TFDP1: variants seen among roughly 807,000 people sequenced by gnomAD.
The protein encoded by TFDP1 is DRTF1-polypeptide 1.
In TFDP1, 6 loss-of-function variants were observed where a neutral mutation model predicts 48.0. The observed-to-expected ratio is 0.13, with a 90% CI of 0.07 to 0.25. The LOEUF (loss-of-function observed/expected upper bound fraction) is 0.25. TFDP1 is among the 10% of genes least tolerant of loss of function. The probability of loss-of-function intolerance (pLI) is 1.00; values close to 1 mark genes in which losing one functional copy is unlikely to be tolerated. For missense variants in TFDP1, 335 were observed against 543.0 expected (o/e 0.62, Z 3.81); for synonymous variants, 201 against 211.6 (o/e 0.95, Z 0.44).
chr13:113,638,551 G>T (rs1297720175), intron 11 of TFDP1, among the ~76,000 whole-genome samples: 3 of 152,062 alleles, frequency 2.0e-5, no homozygotes, highest in Non-Finnish European at 2.9e-5. Context: ...CAATCACAGC[G>T]CACGTATTTT....
Position 113,607,330 on chromosome 13 carries a change from A to G in TFDP1, c.13-3666A>G, listed in dbSNP as rs556597271. On this transcript the variant is annotated intron_variant, in intron 2 of 11. Transcript: ENST00000375370. The surrounding 1 kb of genome is among the most constrained non-coding windows in gnomAD (Gnocchi z 5.2). ...GCCAGGGATCTGGTGACACCTGGGCATGTGGCTGGTGGAACCAGCAGGCCA... is the reference window on the plus strand; with the variant it reads ...GCCAGGGATCTGGTGACACCTGGGCGTGTGGCTGGTGGAACCAGCAGGCCA... Among the ~76,000 whole-genome samples, 42 of 152,354 alleles carry G rather than the reference A, an allele frequency of 2.8e-4. No individual in the cohort carries two copies. Among genetic ancestry groups the G allele is most frequent in the African/African-American group, 9.9e-4 (41 of 41,588 alleles).
At position 113,615,008 on chromosome 13, in the gene TFDP1, G is replaced by A. The variant is rs572764198; in HGVS notation, c.79+3946G>A. 8.5e-5 allele frequency among the ~76,000 whole-genome samples: 13 copies of A among 152,172 alleles called. No homozygotes were observed. The South Asian group carries it at 1.2e-3, about 15-fold the overall frequency. ...TTGGCTGAATAATGGATAGAGCACC[G>A]TCAGGTTGACACGTAAAACTGACTG... On this transcript the variant is annotated intron_variant, in intron 3 of 11. Coordinates refer to ENST00000375370, the MANE Select transcript of TFDP1 (RefSeq NM_007111.5).
chr13:113,634,199 A>G (rs781376814), intron 7 of TFDP1, 166 bp downstream of exon 7: 1 of 969,684 alleles, frequency 1.0e-6, no homozygotes, highest in South Asian at 1.4e-5. Context: ...CTTGGCTGTC[A>G]GGGGAGGGAG....
chr13:113,625,933 T>C (rs1415361075), intron 4 of TFDP1, among the ~76,000 whole-genome samples: 3 of 130,678 alleles, frequency 2.3e-5, no homozygotes, highest in East Asian at 5.9e-4. Flanking sequence ...TGTCCTCAGG[T>C]GTTTCTCAGG....
At chr13:113,601,148 C>T (rs749958489) in intron 2 of TFDP1, among the ~76,000 whole-genome samples, 2 of 152,172 alleles carry the variant, frequency 1.3e-5, no homozygotes, top group Non-Finnish European at 2.9e-5. Flanking sequence ...GTGTTGGCCT[C>T]CGTAGCTGAG....
intron 2 of TFDP1, among the ~76,000 whole-genome samples, chr13:113,596,060 C>T (rs976758645): frequency 1.4e-4 from 21 of 152,050 alleles, no homozygotes; most frequent in Admixed American, 4.6e-4. Flanking sequence ...CCCGCCTGGG[C>T]GACAGAGTGA....
intron 3 of TFDP1, among the ~76,000 whole-genome samples, chr13:113,619,481 C>CAAAAAAAA (rs1162300447): frequency 9.0e-6 from 1 of 110,512 alleles, no homozygotes; most frequent in African/African-American, 3.3e-5. Flanking sequence ...AAAAAAAAAA[C>CAAAAAAAA]AAAAAAAAAA....
Position 113,608,828 on chromosome 13 carries a change from G to A in TFDP1, c.13-2168G>A, listed in dbSNP as rs144171344. ...TCTAGCCCACCATAGCCACTTGGCC[G>A]TGTGTACCTGGCTCAGCCACCTGTC... On this transcript the variant is annotated intron_variant, in intron 2 of 11. Transcript: ENST00000375370. 7.3e-3 allele frequency among the ~76,000 whole-genome samples: 1,112 copies of A among 152,212 alleles called. 18 individuals carry two copies. The highest frequency in any genetic ancestry group is 0.025 in the African/African-American group (1,032 of 41,522).
Position 113,633,817 on chromosome 13 carries a change from C to T in TFDP1, c.475-73C>T. The T allele has an allele frequency of 1.3e-6, 2 of 1,533,352 alleles. No individual in the cohort carries two copies. The highest frequency in any genetic ancestry group is 2.3e-5 in the East Asian group (1 of 44,300). 95.0% of individuals were successfully genotyped at this position (1,533,352 alleles called of 1,614,324 possible). ...AGCGGGGTGCCCCTTTGAGCCAGTG[C>T]CCATGGTCTACAGTTTAAGGATCCA... On this transcript the variant is annotated intron_variant, in intron 6 of 11. Coordinates refer to ENST00000375370, the MANE Select transcript of TFDP1 (RefSeq NM_007111.5). This position sits in a 1 kb window ranked among gnomAD's most constrained non-coding sequence, Gnocchi z 4.5.
intron 3 of TFDP1, among the ~76,000 whole-genome samples, chr13:113,619,705 T>G (rs529620732): frequency 6.6e-6 from 1 of 152,110 alleles, no homozygotes; most frequent in Admixed American, 6.5e-5. Context: ...ACCCTCAGCC[T>G]CAGGATTTCT....
intron 11 of TFDP1, among the ~76,000 whole-genome samples, 167 bp downstream of exon 11, chr13:113,638,063 C>T (rs1192129831): frequency 1.3e-5 from 2 of 152,210 alleles, no homozygotes; most frequent in African/African-American, 4.8e-5. Context: ...GTGTGGAGAG[C>T]TGCTTTTCTT....
In TFDP1 at chr13:113,631,743, G is replaced by A. The variant is rs771604835; in HGVS notation, c.307G>A (p.Gly103Arg). Reference protein sequence around the residue: ...QPSDSSPWSAGKRNRKGEKNG... With the variant: ...QPSDSSPWSARKRNRKGEKNG... ...TTCCGACTCCTCACCTTGGTCTGCC[G>A]GGTGAGCACTTCCCTCTGGACCCTT... The change falls in exon 5 of 12, where the codon GGG (glycine) becomes AGG (arginine). Residue 103 changes from glycine to arginine, a missense_variant and splice_region_variant. Gly to Arg is a moderately radical substitution (Grantham distance 125). Coordinates refer to ENST00000375370, the MANE Select transcript of TFDP1 (RefSeq NM_007111.5). The A allele has an allele frequency of 6.8e-6, 11 of 1,613,970 alleles. No homozygotes were observed. The highest frequency in any genetic ancestry group is 8.5e-6 in the Non-Finnish European group (10 of 1,179,920).
Position 113,636,710 on chromosome 13 carries a change from G to A in TFDP1, c.1006+10G>A, listed in dbSNP as rs766034705. 1.2e-6 allele frequency: 2 copies of A among 1,611,264 alleles called. No individual in the cohort carries two copies. Among genetic ancestry groups the A allele is most frequent in the East Asian group, 4.5e-5 (2 of 44,818 alleles). ...GAGCCATACGTGACAGGTCAGCAAT[G>A]CCCAGACAACCTGGCGTGGCTGTGT... is the stretch of plus-strand genomic sequence containing the variant. On this transcript the variant is annotated intron_variant, in intron 10 of 11. Transcript: ENST00000375370.
chr13:113,589,954 A>G (rs11843987), intron 2 of TFDP1, among the ~76,000 whole-genome samples: 13,393 of 152,252 alleles, frequency 0.088, 1,701 homozygotes, highest in African/African-American at 0.28. Flanking sequence ...GTGTCATGAA[A>G]GTTTGTAAGT....
rs530501149 is a variant in TFDP1, at chr13:113,627,319, G to A, written c.186+4033G>A. Among the ~76,000 whole-genome samples the A allele has an allele frequency of 5.3e-5, 8 of 152,298 alleles. No individual in the cohort carries two copies. Among genetic ancestry groups the A allele is most frequent in the Admixed American group, 6.5e-5 (1 of 15,298 alleles). ...CAGAGCTCAGCACGCGCACAGGAAC[G>A]TGTGCGGGACAGAGGACATATGTGC... On this transcript the variant is annotated intron_variant, in intron 4 of 11. Coordinates refer to ENST00000375370, the MANE Select transcript of TFDP1 (RefSeq NM_007111.5). The surrounding 1 kb of genome is among the most constrained non-coding windows in gnomAD (Gnocchi z 4.1).
In TFDP1 at chr13:113,633,724, C is replaced by T. The variant is rs372753700; in HGVS notation, c.475-166C>T. Among the ~76,000 whole-genome samples the T allele has an allele frequency of 3.9e-5, 6 of 152,018 alleles. No homozygotes were observed. The highest frequency in any genetic ancestry group is 6.5e-5 in the Admixed American group (1 of 15,280). On this transcript the variant is annotated intron_variant, in intron 6 of 11. Transcript: ENST00000375370. The surrounding 1 kb of genome is among the most constrained non-coding windows in gnomAD (Gnocchi z 4.5). ...AACACACTCAGGCTTCGCACAGCCC[C>T]GTCTTGCCCTGCGTCATCTGTGGGG...
At chr13:113,604,990 C>T (rs1302382016) in intron 2 of TFDP1, among the ~76,000 whole-genome samples, 3 of 152,148 alleles carry the variant, frequency 2.0e-5, no homozygotes, top group East Asian at 1.9e-4. Context: ...AGGTTTTGGA[C>T]GGGACGTGGC....
intron 2 of TFDP1, among the ~76,000 whole-genome samples, chr13:113,591,215 G>A (rs754005598): frequency 6.7e-5 from 10 of 150,228 alleles, no homozygotes; most frequent in South Asian, 4.2e-4. Context: ...GGTGGCGGGC[G>A]CCTGTAATCC....
intron 3 of TFDP1, among the ~76,000 whole-genome samples, chr13:113,622,641 TCTC>T (rs1199286808): frequency 6.6e-6 from 1 of 152,168 alleles, no homozygotes; most frequent in Non-Finnish European, 1.5e-5. Flanking sequence ...AGGCTTCACA[TCTC>T]CTGCAGAGGG....
Sources: allele counts gnomAD v4.1 joint callset (sites outside exome capture counted in the v4.1 genomes callset), GRCh38; gene constraint gnomAD v4.1.1; non-coding constraint Gnocchi (gnomAD v3.1); transcripts MANE v1.5; gene names NCBI Gene and HGNC (gene_info 2026-07-23, HGNC 2026-07-21).